TMTC2: variants seen among roughly 807,000 people sequenced by gnomAD.
The protein encoded by TMTC2 is transmembrane O-mannosyltransferase targeting cadherins 2, also known as protein O-mannosyl-transferase TMTC2.
Under a neutral mutation model 82.4 loss-of-function variants are expected in TMTC2, and 43 were observed. That is an observed-to-expected ratio of 0.52 (90% confidence interval 0.41 to 0.67). TMTC2 has a LOEUF of 0.67. Among genes scored for constraint, TMTC2 ranks in the 30% least tolerant of loss-of-function variants. The pLI is 0.00. For missense variants in TMTC2, 919 were observed against 1,012.4 expected, an observed-to-expected ratio of 0.91 and a Z score of 1.25; for synonymous variants, 408 against 381.9, an observed-to-expected ratio of 1.07 and a Z score of -0.80.
intron 1 of TMTC2, among the ~76,000 whole-genome samples, chr12:82,700,518 G>T (rs986553746): frequency 3.3e-5 from 5 of 152,052 alleles, no homozygotes; most frequent in African/African-American, 1.2e-4. Flanking sequence ...TAATAATTAG[G>T]TAATGATTTT....
At chr12:82,997,825 A>G (rs1281609609) in intron 8 of TMTC2, among the ~76,000 whole-genome samples, 3 of 152,066 alleles carry the variant, frequency 2.0e-5, no homozygotes, top group African/African-American at 7.2e-5. Context: ...GATACATACT[A>G]TATTTCATTC....
chr12:82,846,972 A>T (rs974280614), intron 1 of TMTC2, among the ~76,000 whole-genome samples: 9 of 152,056 alleles, frequency 5.9e-5, no homozygotes, highest in Non-Finnish European at 1.2e-4. Flanking sequence ...GGACCTAGAA[A>T]CCTAACACTG....
chr12:82,790,193 AG>A (rs1344234192), intron 1 of TMTC2, among the ~76,000 whole-genome samples: 3 of 147,372 alleles, frequency 2.0e-5, no homozygotes, highest in South Asian at 2.2e-4. Context: ...AAAAAAAAAA[AG>A]ATGGGTAAAC....
In TMTC2 at chr12:82,725,039, A is replaced by G. The variant is rs185489875; in HGVS notation, c.83+37370A>G. On this transcript the variant is annotated intron_variant, in intron 1 of 11. Coordinates refer to ENST00000321196, the MANE Select transcript of TMTC2 (RefSeq NM_152588.3). Reference sequence around the variant, plus strand: ...TCCTATTAATTATCCAAAATTTCTGAGCATTCTTTTCTAGCAGTAGGAGAG... The same window carrying G: ...TCCTATTAATTATCCAAAATTTCTGGGCATTCTTTTCTAGCAGTAGGAGAG... Among the ~76,000 whole-genome samples, 10 of 152,248 alleles carry G rather than the reference A, an allele frequency of 6.6e-5. No individual in the cohort carries two copies. In the East Asian group the frequency reaches 1.7e-3, roughly 26 times the overall value.
At chr12:82,845,287 A>G (rs1870594527) in intron 1 of TMTC2, among the ~76,000 whole-genome samples, 1 of 145,024 alleles carries the variant, frequency 6.9e-6, no homozygotes. Context: ...AACTAGTCAC[A>G]CATTGCAACA....
At chr12:83,114,551 A>G (rs1462356309) in intron 11 of TMTC2, among the ~76,000 whole-genome samples, 1 of 152,204 alleles carries the variant, frequency 6.6e-6, no homozygotes, top group African/African-American at 2.4e-5. Context: ...GATGTCTCTC[A>G]TATCCTCATT....
chr12:82,802,386 G>T (rs778718627), intron 1 of TMTC2, among the ~76,000 whole-genome samples: 3 of 152,164 alleles, frequency 2.0e-5, no homozygotes, highest in Non-Finnish European at 4.4e-5. Flanking sequence ...AGCCCGGAAA[G>T]GGGCTCCCAC....
At chr12:82,785,275 C>T (rs979455103) in intron 1 of TMTC2, among the ~76,000 whole-genome samples, 1 of 152,002 alleles carries the variant, frequency 6.6e-6, no homozygotes, top group African/African-American at 2.4e-5. Context: ...GAAGGAATTT[C>T]CCTACCCTAT....
intron 1 of TMTC2, among the ~76,000 whole-genome samples, chr12:82,841,014 A>G (rs565286012): frequency 6.6e-6 from 1 of 152,278 alleles, no homozygotes; most frequent in African/African-American, 2.4e-5. Flanking sequence ...ACCTGACCTC[A>G]GGTGATCCAC....
chr12:83,109,828 C>A (rs1884539287), intron 11 of TMTC2, among the ~76,000 whole-genome samples: 1 of 152,218 alleles, frequency 6.6e-6, no homozygotes, highest in Non-Finnish European at 1.5e-5. Context: ...TCCATGCCTG[C>A]ATCCTGAAGC....
At chr12:82,865,991 C>G (rs528991747) in intron 2 of TMTC2, among the ~76,000 whole-genome samples, 2 of 152,248 alleles carry the variant, frequency 1.3e-5, no homozygotes, top group Admixed American at 6.5e-5. Context: ...ATACCAGAAT[C>G]TCTGGGACAC....
At chr12:83,034,366 GA>G (rs200117096) in intron 9 of TMTC2, among the ~76,000 whole-genome samples, 8 of 151,376 alleles carry the variant, frequency 5.3e-5, no homozygotes, top group South Asian at 2.1e-4. Context: ...TCACAGCAGA[GA>G]AAAAAAAACC....
At chr12:82,999,784 T>C (rs1242687889) in intron 8 of TMTC2, among the ~76,000 whole-genome samples, 1 of 152,174 alleles carries the variant, frequency 6.6e-6, no homozygotes, top group African/African-American at 2.4e-5. Flanking sequence ...GTGGGAATTA[T>C]GGGAGCTACA....
rs752886544 is a variant in TMTC2, at chr12:82,930,574, T to G, written c.1598+29T>G. On this transcript the variant is annotated intron_variant, in intron 4 of 11. Coordinates refer to ENST00000321196, the MANE Select transcript of TMTC2 (RefSeq NM_152588.3). ...AGTATGCCTTGCTTCTCTGGTTTGG[T>G]TCGTCTTTGAAACCTGCAGTGAGAG... 4 of 1,478,172 alleles carry G rather than the reference T, an allele frequency of 2.7e-6. No individual in the cohort carries two copies. The Admixed American group carries it at 7.1e-5, about 26-fold the overall frequency. 91.6% of individuals were successfully genotyped at this position (1,478,172 alleles called of 1,614,324 possible).
intron 8 of TMTC2, among the ~76,000 whole-genome samples, chr12:82,987,948 C>T (rs144675418): frequency 5.9e-5 from 9 of 152,248 alleles, no homozygotes; most frequent in East Asian, 3.9e-4. Flanking sequence ...AATTTACCTA[C>T]ATGACCCTGG....
chr12:82,894,759 A>T (rs1873572048), intron 2 of TMTC2, among the ~76,000 whole-genome samples: 2 of 152,084 alleles, frequency 1.3e-5, no homozygotes, highest in Non-Finnish European at 2.9e-5. Context: ...ATTTTTTGTC[A>T]TTCTCTTGAA....
At chr12:82,998,662 T>A (rs1879782433) in intron 8 of TMTC2, among the ~76,000 whole-genome samples, 1 of 152,162 alleles carries the variant, frequency 6.6e-6, no homozygotes, top group African/African-American at 2.4e-5. Flanking sequence ...GAATAATACA[T>A]CAGAGGAAGC....
intron 11 of TMTC2, among the ~76,000 whole-genome samples, chr12:83,076,438 A>G (rs1323877658): frequency 6.6e-6 from 1 of 152,176 alleles, no homozygotes; most frequent in Non-Finnish European, 1.5e-5. Context: ...ATGGAGTTAT[A>G]GCTATAATTG....
chr12:82,964,950 A>G (rs2137302410), intron 4 of TMTC2, 74 bp from the exon 5 acceptor site: 1 of 933,360 alleles, frequency 1.1e-6, no homozygotes, highest in Non-Finnish European at 1.6e-6. Flanking sequence ...TATTTTTGGA[A>G]TATAAAATAA....
Sources: allele counts gnomAD v4.1 joint callset (sites outside exome capture counted in the v4.1 genomes callset), GRCh38; gene constraint gnomAD v4.1.1; transcripts MANE v1.5; gene names NCBI Gene and HGNC (gene_info 2026-07-23, HGNC 2026-07-21).